The following RAB3C variants were observed in gnomAD, a reference collection of about 807,000 sequenced individuals.
The protein encoded by RAB3C is RAB3C, member RAS oncogene family.
In RAB3C, 17 loss-of-function variants were observed where a neutral mutation model predicts 26.4. That is an observed-to-expected ratio of 0.64 (90% confidence interval 0.44 to 0.97). The LOEUF is 0.97. RAB3C is among the 50% of genes least tolerant of loss of function. The pLI is 0.00. For synonymous variants in RAB3C, 91 were observed against 95.9 expected, an observed-to-expected ratio of 0.95 and a Z score of 0.30; for missense variants, 242 against 281.9, an observed-to-expected ratio of 0.86 and a Z score of 1.01.
At chr5:58,805,872 G>T (rs1299533610) in intron 3 of RAB3C, among the ~76,000 whole-genome samples, 1 of 151,892 alleles carries the variant, frequency 6.6e-6, no homozygotes, top group Non-Finnish European at 1.5e-5. Context: ...AAGGGGTGTG[G>T]GGCAGGGAGT....
At chr5:58,810,303 C>CA (rs1743038618) in intron 3 of RAB3C, among the ~76,000 whole-genome samples, 1 of 151,982 alleles carries the variant, frequency 6.6e-6, no homozygotes, top group Non-Finnish European at 1.5e-5. Context: ...ATGACAGGCA[C>CA]ACCTTGAAAA....
At chr5:58,719,374 G>T (rs897723169) in intron 2 of RAB3C, among the ~76,000 whole-genome samples, 1 of 151,970 alleles carries the variant, frequency 6.6e-6, no homozygotes, top group South Asian at 2.1e-4. Flanking sequence ...TTCACACAGT[G>T]AGACTATGTC....
chr5:58,770,602 G>T (rs1742011380), intron 3 of RAB3C, among the ~76,000 whole-genome samples: 1 of 151,948 alleles, frequency 6.6e-6, no homozygotes, highest in South Asian at 2.1e-4. Context: ...CCCTGAACTT[G>T]TTATAAGAAA....
chr5:58,589,572 A>C (rs952221091), intron 1 of RAB3C, among the ~76,000 whole-genome samples: 2 of 152,128 alleles, frequency 1.3e-5, no homozygotes, highest in African/African-American at 4.8e-5. Flanking sequence ...TAAGAGTTTT[A>C]ATTTTTAAAG....
chr5:58,846,110 G>A (rs1743995891), intron 4 of RAB3C, among the ~76,000 whole-genome samples: 1 of 152,122 alleles, frequency 6.6e-6, no homozygotes, highest in Non-Finnish European at 1.5e-5. Flanking sequence ...TATAACGTGT[G>A]AAAATTTCCT....
intron 1 of RAB3C, among the ~76,000 whole-genome samples, chr5:58,592,698 T>A (rs769026926): frequency 2.9e-4 from 44 of 152,150 alleles, no homozygotes; most frequent in Non-Finnish European, 6.0e-4. Context: ...ATAAAATTTC[T>A]TGTTGATTTT....
intron 4 of RAB3C, among the ~76,000 whole-genome samples, chr5:58,840,577 G>A (rs1363726176): frequency 2.0e-5 from 3 of 152,084 alleles, no homozygotes; most frequent in Admixed American, 6.6e-5. Flanking sequence ...TTCTATGCAC[G>A]TGGTAAAGTC....
rs1457918911 is a variant in RAB3C at position 58,851,429 on chromosome 5, A to G, written c.*78A>G. On this transcript the variant is annotated 3_prime_UTR_variant, in exon 5 of 5. Transcript: ENST00000282878. ...ATTTGTAAATGGTCTATTAGCCTTC[A>G]TTTATACTGCCTAACAATTATTTGA... The G allele has an allele frequency of 3.5e-6, 4 of 1,128,384 alleles. No homozygotes were observed. Among genetic ancestry groups the G allele is most frequent in the South Asian group, 3.4e-5 (2 of 59,408 alleles). 69.9% of individuals were successfully genotyped at this position (1,128,384 alleles called of 1,614,324 possible).
At chr5:58,744,107 A>G (rs1044857223) in intron 3 of RAB3C, among the ~76,000 whole-genome samples, 2 of 152,182 alleles carry the variant, frequency 1.3e-5, no homozygotes, top group African/African-American at 4.8e-5. Context: ...GTTTGGGCCA[A>G]AAGGATTCAT....
At position 58,853,627 on chromosome 5, in the gene RAB3C, A is replaced by G. The variant is rs1744164051; in HGVS notation, c.*2276A>G. ...GAAGCCCTAAGCCAAGCTCCCACTT[A>G]CACAGTGTCAAACATCCCGAAGTGG... On this transcript the variant is annotated 3_prime_UTR_variant, in exon 5 of 5. Coordinates refer to ENST00000282878, the MANE Select transcript of RAB3C (RefSeq NM_138453.4). 1 of 152,198 alleles carries G rather than the reference A, an allele frequency of 6.6e-6. No homozygotes were observed. Among genetic ancestry groups the G allele is most frequent in the Admixed American group, 6.5e-5 (1 of 15,278 alleles). The allele number at this position is 152,198 out of a possible 1,614,324, so 9.4% of individuals were successfully genotyped here. A position where few individuals can be genotyped will look rare whatever the true frequency, so the allele number is the denominator to read the frequency against.
chr5:58,683,863 C>G (rs1748394703), intron 2 of RAB3C, among the ~76,000 whole-genome samples: 1 of 152,124 alleles, frequency 6.6e-6, no homozygotes, highest in African/African-American at 2.4e-5. Flanking sequence ...TTGAGTAACT[C>G]TTACTTAACT....
At chr5:58,737,233 A>T (rs1465501177) in intron 3 of RAB3C, among the ~76,000 whole-genome samples, 1 of 151,404 alleles carries the variant, frequency 6.6e-6, no homozygotes, top group African/African-American at 2.4e-5. Context: ...AGATACCCTT[A>T]TGGTAGCCCA....
At chr5:58,640,167 G>A (rs996418516) in intron 2 of RAB3C, among the ~76,000 whole-genome samples, 1 of 152,182 alleles carries the variant, frequency 6.6e-6, no homozygotes, top group Non-Finnish European at 1.5e-5. Context: ...GAGAGAGAAA[G>A]GGGAGCAGCC....
At chr5:58,629,282 G>T (rs560421247) in intron 2 of RAB3C, among the ~76,000 whole-genome samples, 2 of 152,110 alleles carry the variant, frequency 1.3e-5, no homozygotes, top group South Asian at 4.1e-4. Context: ...TGATGTGGAG[G>T]GTAGTATAGA....
intron 3 of RAB3C, among the ~76,000 whole-genome samples, chr5:58,737,809 G>A (rs918504472): frequency 2.0e-5 from 3 of 151,968 alleles, no homozygotes; most frequent in Non-Finnish European, 4.4e-5. Context: ...ACATATGGAG[G>A]CACTGCCTGT....
intron 3 of RAB3C, among the ~76,000 whole-genome samples, chr5:58,744,408 G>A (rs1191165009): frequency 6.6e-6 from 1 of 152,238 alleles, no homozygotes; most frequent in Non-Finnish European, 1.5e-5. Flanking sequence ...CTGCATGCCT[G>A]GGGTAAATAT....
intron 1 of RAB3C, among the ~76,000 whole-genome samples, chr5:58,604,585 G>A (rs1017809833): frequency 2.2e-4 from 34 of 152,236 alleles, no homozygotes; most frequent in African/African-American, 7.5e-4. Flanking sequence ...AGGAAAGTAG[G>A]GGAAAGCCGG....
intron 2 of RAB3C, among the ~76,000 whole-genome samples, chr5:58,694,439 G>C (rs1340209245): frequency 6.6e-6 from 1 of 152,134 alleles, no homozygotes; most frequent in African/African-American, 2.4e-5. Context: ...AATCCTTTGG[G>C]TATATACCCA....
chr5:58,611,346 G>A (rs143174616), intron 1 of RAB3C, among the ~76,000 whole-genome samples: 1,887 of 152,086 alleles, frequency 0.012, 40 homozygotes, highest in African/African-American at 0.043. Context: ...CACTCCTACC[G>A]ACAGTATATA....
Sources: gnomAD v4.1 joint callset for allele counts (sites outside exome capture counted in the v4.1 genomes callset) on GRCh38, gnomAD v4.1.1 for gene constraint, MANE v1.5 for transcripts, NCBI Gene and HGNC (gene_info 2026-07-23, HGNC 2026-07-21) for gene names.